The following KDM8 variants were observed in gnomAD, a reference collection of about 807,000 sequenced individuals.
The protein encoded by KDM8 is bifunctional peptidase and arginyl-hydroxylase JMJD5.
A neutral mutation model predicts 46.9 loss-of-function variants in KDM8; 35 were observed. The observed-to-expected ratio is 0.75, with a 90% confidence interval of 0.57 to 0.99. The LOEUF (loss-of-function observed/expected upper bound fraction) is 0.99. KDM8 is among the 50% of genes least tolerant of loss of function. The probability of loss-of-function intolerance (pLI) is 0.00; values close to 1 mark genes in which losing one functional copy is unlikely to be tolerated. For missense variants in KDM8, 475 were observed against 537.0 expected (o/e 0.88, Z 1.14); for synonymous variants, 232 against 227.7 (o/e 1.02, Z -0.17).
chr16:27,207,313 G>A (rs1483912292), intron 1 of KDM8, among the ~76,000 whole-genome samples: 1 of 152,240 alleles, frequency 6.6e-6, no homozygotes, highest in African/African-American at 2.4e-5. Flanking sequence ...AGAGGCTGAG[G>A]CAGGAGAATC....
At chr16:27,213,521 G>A (rs2083509810) in intron 2 of KDM8, 64 bp from the exon 3 acceptor site, 2 of 1,556,822 alleles carry the variant, frequency 1.3e-6, no homozygotes, top group Middle Eastern at 1.7e-4. Flanking sequence ...GGTTCCTGGT[G>A]GAATACCTCA....
intron 3 of KDM8, chr16:27,214,283 C>T (rs1596649537): frequency 1.3e-5 from 2 of 155,878 alleles, no homozygotes; most frequent in Admixed American, 6.2e-5. Context: ...TTTGTGGTTT[C>T]GCGGAGGGAA....
At chr16:27,204,190 C>T (rs761177914) in intron 1 of KDM8, 98 of 1,478,882 alleles carry the variant, frequency 6.6e-5, no homozygotes, top group South Asian at 1.0e-4. Flanking sequence ...GGGGGACCCT[C>T]TGGGGCCTGG....
chr16:27,213,471 C>G, intron 2 of KDM8, 114 bp from the exon 3 acceptor site: 2 of 995,554 alleles, frequency 2.0e-6, no homozygotes, highest in Non-Finnish European at 3.0e-6. Flanking sequence ...ATTGTTGTTA[C>G]TGGTACTCTT....
intron 1 of KDM8, among the ~76,000 whole-genome samples, chr16:27,205,301 G>C (rs540638752): frequency 6.6e-6 from 1 of 152,270 alleles, no homozygotes; most frequent in Admixed American, 6.5e-5. Context: ...ACCACTCAGA[G>C]GTTAGCACAT....
chr16:27,211,298 G>A (rs1458518106), intron 2 of KDM8: 4 of 423,568 alleles, frequency 9.4e-6, no homozygotes, highest in African/African-American at 4.2e-5. Context: ...CAGGCGAGGC[G>A]ATACCTCCAG....
In KDM8 at chr16:27,213,425, T is replaced by C. The variant is rs1188251539; in HGVS notation, c.499-160T>C. On this transcript the variant is annotated intron_variant, in intron 2 of 7. Transcript: ENST00000286096. ...CCACCTTGATCTCATGAGGAGCAAA[T>C]AGTAATAGTAGCAGTAATAATAACA... 9 of 663,636 alleles carry C rather than the reference T, an allele frequency of 1.4e-5. No homozygotes were observed. The Admixed American group carries it at 2.3e-4, about 17-fold the overall frequency. 41.1% of individuals were successfully genotyped at this position (663,636 alleles called of 1,614,324 possible).
intron 5 of KDM8, 137 bp downstream of exon 5, chr16:27,216,126 T>C (rs910180194): frequency 1.6e-5 from 15 of 912,980 alleles, no homozygotes; most frequent in Non-Finnish European, 2.6e-5. Flanking sequence ...TGACAGGACG[T>C]GGGTGATGAG....
chr16:27,204,152 CT>C (rs1237213045), intron 1 of KDM8: 1 of 1,523,208 alleles, frequency 6.6e-7, no homozygotes, highest in South Asian at 1.2e-5. Flanking sequence ...GGTCTGAGGC[CT>C]CGGGGCTCAA....
At chr16:27,216,722 C>T (rs960245849) in intron 5 of KDM8, among the ~76,000 whole-genome samples, 1 of 152,152 alleles carries the variant, frequency 6.6e-6, no homozygotes, top group Admixed American at 6.5e-5. Flanking sequence ...AGGACGCTGG[C>T]GGTTTCTCTT....
At chr16:27,208,902 A>T (rs1270886831) in intron 1 of KDM8, among the ~76,000 whole-genome samples, 3 of 152,232 alleles carry the variant, frequency 2.0e-5, no homozygotes, top group African/African-American at 4.8e-5. Context: ...TGCTAGAAAG[A>T]AAGTTCATTG....
chr16:27,216,176 G>A (rs1444507597), intron 5 of KDM8, 187 bp downstream of exon 5: 33 of 629,082 alleles, frequency 5.2e-5, no homozygotes, highest in East Asian at 8.3e-5. Context: ...CTGGGGGGTC[G>A]CCAGTGCCCC....
intron 6 of KDM8, among the ~76,000 whole-genome samples, chr16:27,220,132 G>A (rs943925267): frequency 2.0e-5 from 3 of 152,138 alleles, no homozygotes; most frequent in African/African-American, 7.2e-5. Flanking sequence ...GGGGCAGGAG[G>A]ATCTCTGGAG....
At position 27,213,572 on chromosome 16, in the gene KDM8, T is replaced by C; in HGVS notation, c.499-13T>C. ...AGGTGGTTGCTATTTTGTTCTGTTT[T>C]GATTTTAAACAGAAAGCAAGGGCGG... is the stretch of plus-strand genomic sequence containing the variant. On this transcript the variant is annotated splice_polypyrimidine_tract_variant and intron_variant, in intron 2 of 7. Transcript: ENST00000286096. 1 of 1,613,200 alleles carries C rather than the reference T, an allele frequency of 6.2e-7. No homozygotes were observed. The highest frequency in any genetic ancestry group is 8.5e-7 in the Non-Finnish European group (1 of 1,179,422).
intron 5 of KDM8, among the ~76,000 whole-genome samples, chr16:27,217,304 T>C (rs2083566108): frequency 6.6e-6 from 1 of 152,186 alleles, no homozygotes; most frequent in South Asian, 2.1e-4. Flanking sequence ...TAAGCCTGCC[T>C]CAGTTATTAG....
At position 27,213,714 on chromosome 16, in the gene KDM8, G is replaced by T; in HGVS notation, c.628G>T (p.Gly210Cys). 6.2e-7 allele frequency: 1 copy of T among 1,614,184 alleles called. No individual in the cohort carries two copies. Among genetic ancestry groups the T allele is most frequent in the Non-Finnish European group, 8.5e-7 (1 of 1,180,024 alleles). Reference protein sequence around the residue: ...LVPGRPVILKGVADHWPCMQK... With the variant: ...LVPGRPVILKCVADHWPCMQK... ...TCCAGGGAGGCCCGTGATCCTGAAA[G>T]GCGTGGCTGACCACTGGCCGTGCAT... The change falls in exon 3 of 8, where the codon GGC becomes TGC. Residue 210 changes from glycine to cysteine, a missense_variant. Transcript: ENST00000286096.
At chr16:27,216,265 G>A (rs2083551609) in intron 5 of KDM8, 4 of 533,082 alleles carry the variant, frequency 7.5e-6, no homozygotes, top group South Asian at 6.9e-5. Flanking sequence ...TTGCTGTGGT[G>A]CAAGGAGAGG....
Position 27,205,889 on chromosome 16 carries a change from C to G in KDM8, c.-32+2253C>G, listed in dbSNP as rs569859262. ...GTGATCAACAAGAGGTCTTTGAAGG[C>G]CAATACCTGTTGAGCTCTGGGAGAC... is the stretch of plus-strand genomic sequence containing the variant. On this transcript the variant is annotated intron_variant, in intron 1 of 7. Coordinates refer to ENST00000286096, the MANE Select transcript of KDM8 (RefSeq NM_024773.3). 1.7e-3 allele frequency among the ~76,000 whole-genome samples: 266 copies of G among 152,284 alleles called. 1 individual carries two copies. Among genetic ancestry groups the G allele is most frequent in the African/African-American group, 6.1e-3 (252 of 41,558 alleles).
At chr16:27,209,066 T>C (rs2140963884) in intron 1 of KDM8, among the ~76,000 whole-genome samples, 1 of 152,354 alleles carries the variant, frequency 6.6e-6, no homozygotes, top group East Asian at 1.9e-4. Flanking sequence ...TCTCAGTTTA[T>C]TCATCTGTAA....
Sources: allele counts gnomAD v4.1 joint callset (sites outside exome capture counted in the v4.1 genomes callset), GRCh38; gene constraint gnomAD v4.1.1; transcripts MANE v1.5; gene names NCBI Gene and HGNC (gene_info 2026-07-23, HGNC 2026-07-21).